Variants in RFX7 observed in about 807,000 individuals in gnomAD.
RFX7 encodes regulatory factor X7, also known as DNA-binding protein RFX7.
A neutral mutation model predicts 111.8 loss-of-function variants in RFX7; 26 were observed. That is an observed-to-expected ratio of 0.23 (90% CI 0.17 to 0.32). The LOEUF is 0.32. RFX7 is among the 10% of genes least tolerant of loss of function. RFX7 has a pLI of 1.00. For missense variants in RFX7, 1,573 were observed against 1,772.9 expected, an observed-to-expected ratio of 0.89 and a Z score of 2.02; for synonymous variants, 624 against 624.4, an observed-to-expected ratio of 1.00 and a Z score of 0.01.
rs1385347111 is a variant in RFX7 at position 56,090,754 on chromosome 15, A to G, written c.*2591T>C. On this transcript the variant is annotated 3_prime_UTR_variant, in exon 10 of 10. Coordinates refer to ENST00000559447, the MANE Select transcript of RFX7 (RefSeq NM_022841.7). The stretch of plus-strand genomic sequence containing the variant: ...TGTCATTTATCGTGTAGTAAAGCAC[A>G]TTATAGTACAAGACTATTATATGAA... 2 of 152,628 alleles carry G rather than the reference A, an allele frequency of 1.3e-5. No homozygotes were observed. Among genetic ancestry groups the G allele is most frequent in the Non-Finnish European group, 2.9e-5 (2 of 68,024 alleles). 9.5% of individuals were successfully genotyped at this position (152,628 alleles called of 1,614,324 possible). A position where few individuals can be genotyped will look rare whatever the true frequency, so the allele number is the denominator to read the frequency against.
intron 5 of RFX7, among the ~76,000 whole-genome samples, chr15:56,119,253 A>T (rs907310586): frequency 2.0e-5 from 3 of 152,070 alleles, no homozygotes; most frequent in African/African-American, 4.8e-5. Flanking sequence ...TGCTCAAGAA[A>T]TTTTTGCACA....
intron 5 of RFX7, among the ~76,000 whole-genome samples, chr15:56,125,425 T>A (rs2042129933): frequency 6.6e-6 from 1 of 152,242 alleles, no homozygotes; most frequent in African/African-American, 2.4e-5. Context: ...GCATTCAATC[T>A]GTAGACTGCT....
intron 5 of RFX7, among the ~76,000 whole-genome samples, chr15:56,134,810 T>C (rs1281728836): frequency 2.6e-5 from 4 of 152,122 alleles, no homozygotes; most frequent in Admixed American, 2.6e-4. Context: ...TTCCCCTTCC[T>C]GTGTCCATGT....
intron 2 of RFX7, among the ~76,000 whole-genome samples, chr15:56,228,361 T>C (rs551371716): frequency 2.0e-4 from 31 of 152,256 alleles, no homozygotes; most frequent in African/African-American, 6.0e-4. Flanking sequence ...AACTATGGAA[T>C]TGAACTATGG....
In RFX7 at chr15:56,155,011, C is replaced by A. The variant is rs959477137; in HGVS notation, c.196-10528G>T. On this transcript the variant is annotated intron_variant, in intron 3 of 9. Coordinates refer to ENST00000559447, the MANE Select transcript of RFX7 (RefSeq NM_022841.7). Reference sequence around the variant, plus strand: ...CGAAAGAAGACATTTATGCAGCCAACAGACATAGGAAAAATGCTCATCATC... The same window carrying A: ...CGAAAGAAGACATTTATGCAGCCAAAAGACATAGGAAAAATGCTCATCATC... Among the ~76,000 whole-genome samples, 3 of 152,232 alleles carry A rather than the reference C, an allele frequency of 2.0e-5. No homozygotes were observed. The South Asian group carries it at 6.2e-4, about 32-fold the overall frequency.
chr15:56,095,596 C>A lies in RFX7; in HGVS notation c.2132G>T (p.Gly711Val), dbSNP rs1452910685. Residue 711 changes from glycine to valine, a missense_variant, in exon 10 of 10, where the codon GGT becomes GTT. Physicochemically the swap from Gly to Val is moderately radical, Grantham distance 109. This residue lies in a region of RFX7 where 625 missense variants were observed against 632.2 expected (regional missense o/e 0.99). Coordinates refer to ENST00000559447, the MANE Select transcript of RFX7 (RefSeq NM_022841.7). ...HSGKTEGSTA[G>V]AQIPSKVSVN... ...TGATACCTTGCTAGGAATCTGAGCA[C>A]CTGCTGTTGAACCTTCTGTTTTCCC... The A allele has an allele frequency of 6.2e-7, 1 of 1,613,958 alleles. No individual in the cohort carries two copies. The highest frequency in any genetic ancestry group is 2.2e-5 in the East Asian group (1 of 44,890).
intron 2 of RFX7, among the ~76,000 whole-genome samples, chr15:56,201,089 A>C (rs12594908): frequency 0.13 from 19,779 of 152,220 alleles, 1,668 homozygotes; most frequent in East Asian, 0.43. Flanking sequence ...CTTAATGGGA[A>C]GACTACGGAC....
chr15:56,126,967 G>A (rs559401919), intron 5 of RFX7, among the ~76,000 whole-genome samples: 2 of 152,142 alleles, frequency 1.3e-5, no homozygotes, highest in South Asian at 4.2e-4. Context: ...TGATCAATAA[G>A]GACACAGATG....
At position 56,236,102 on chromosome 15, in the gene RFX7, T is replaced by TTA. The variant is rs1169433773; in HGVS notation, c.161+7021_161+7022dup. On this transcript the variant is annotated intron_variant, in intron 2 of 9. Coordinates refer to ENST00000559447, the MANE Select transcript of RFX7 (RefSeq NM_022841.7). The stretch of plus-strand genomic sequence containing the variant: ...ATTTCACCTCCCACACAACTTTTTG[T>TTA]TATATATATATGAGCTACGGTAATA... 2.6e-5 allele frequency among the ~76,000 whole-genome samples: 4 copies of TTA among 152,086 alleles called. No homozygotes were observed. In the South Asian group the frequency reaches 8.3e-4, roughly 32 times the overall value.
At chr15:56,154,244 C>G (rs2042618134) in intron 3 of RFX7, among the ~76,000 whole-genome samples, 1 of 152,194 alleles carries the variant, frequency 6.6e-6, no homozygotes, top group African/African-American at 2.4e-5. Flanking sequence ...CCCCATCAAG[C>G]TACCACTGAC....
chr15:56,152,135 T>A (rs2042578406), intron 3 of RFX7, among the ~76,000 whole-genome samples: 1 of 151,648 alleles, frequency 6.6e-6, no homozygotes, highest in Non-Finnish European at 1.5e-5. Flanking sequence ...ACTGTCAATA[T>A]TAGATAAATG....
chr15:56,096,445 C>A lies in RFX7; in HGVS notation c.1283G>T (p.Arg428Leu), dbSNP rs1315506077. Reference sequence around the variant, plus strand: ...TGGTTTGGGTAAGATCTGAGGGTAACGGTGCCGGGCAGAACGATCCCCACC... The same window carrying A: ...TGGTTTGGGTAAGATCTGAGGGTAAAGGTGCCGGGCAGAACGATCCCCACC... ...SPGGDRSARHRYPQILPKPAN... is the reference protein window; with the variant it reads ...SPGGDRSARHLYPQILPKPAN... Residue 428 changes from arginine (R) to leucine (L), a missense_variant, in exon 10 of 10, where the codon CGT (arginine) becomes CTT (leucine). This residue lies in a region of RFX7 where 288 missense variants were observed against 337.9 expected (regional missense o/e 0.85). Transcript: ENST00000559447. 1.2e-6 allele frequency: 2 copies of A among 1,613,118 alleles called. No homozygotes were observed.
intron 2 of RFX7, 83 bp downstream of exon 2, chr15:56,243,042 T>TCCCCCCGCCCGCCG (rs2043724622): frequency 1.8e-6 from 1 of 542,028 alleles, no homozygotes; most frequent in African/African-American, 1.9e-5. Flanking sequence ...CCTCCTCCGC[T>TCCCCCCGCCCGCCG]CCCCCCGCCC....
chr15:56,189,892 A>T (rs2043083056), intron 2 of RFX7: 1 of 152,250 alleles, frequency 6.6e-6, no homozygotes, highest in African/African-American at 2.4e-5. Flanking sequence ...ATGTTGAAGA[A>T]AAAGAATGTT....
At chr15:56,113,745 A>G (rs1346582708) in intron 5 of RFX7, among the ~76,000 whole-genome samples, 1 of 152,116 alleles carries the variant, frequency 6.6e-6, no homozygotes, top group African/African-American at 2.4e-5. Context: ...TAATATTTAT[A>G]AAAATAATTA....
At chr15:56,221,578 T>C (rs2043426984) in intron 2 of RFX7, among the ~76,000 whole-genome samples, 1 of 152,194 alleles carries the variant, frequency 6.6e-6, no homozygotes, top group Admixed American at 6.5e-5. Flanking sequence ...AATGATTAAG[T>C]TAATGGTCTT....
At chr15:56,171,683 AT>A (rs1187432214) in intron 3 of RFX7, among the ~76,000 whole-genome samples, 1 of 152,208 alleles carries the variant, frequency 6.6e-6, no homozygotes, top group Non-Finnish European at 1.5e-5. Context: ...AATTTGTGTT[AT>A]TTTATGCAGC....
intron 2 of RFX7, among the ~76,000 whole-genome samples, chr15:56,188,952 C>T (rs1182512794): frequency 6.6e-6 from 1 of 152,128 alleles, no homozygotes; most frequent in Non-Finnish European, 1.5e-5. Flanking sequence ...CCTGCCTCAG[C>T]CTCCCCAGTA....
At chr15:56,195,533 T>G (rs981566348) in intron 2 of RFX7, among the ~76,000 whole-genome samples, 33 of 152,178 alleles carry the variant, frequency 2.2e-4, no homozygotes, top group African/African-American at 6.5e-4. Flanking sequence ...GCCTTTGAAA[T>G]AGTCATTGTT....
Sources: allele counts gnomAD v4.1 joint callset (sites outside exome capture counted in the v4.1 genomes callset), GRCh38; gene constraint gnomAD v4.1.1; regional missense constraint gnomAD v4.1.1; transcripts MANE v1.5; gene names NCBI Gene and HGNC (gene_info 2026-07-23, HGNC 2026-07-21).